RAB11FIP3: variants seen among roughly 807,000 people sequenced by gnomAD.
RAB11FIP3 encodes RAB11 family interacting protein 3.
Under a neutral mutation model 77.8 loss-of-function variants are expected in RAB11FIP3, and 17 were observed. That is an observed-to-expected ratio of 0.22 (90% CI 0.15 to 0.33). RAB11FIP3 has a LOEUF of 0.33. Ranked by LOEUF, RAB11FIP3 falls within the 10% of genes least tolerant of loss-of-function variation. The pLI is 1.00. For missense variants in RAB11FIP3, 1,005 were observed against 1,011.2 expected (o/e 0.99, Z 0.08); for synonymous variants, 437 against 448.2 (o/e 0.98, Z 0.31).
At chr16:496,790 A>G in intron 5 of RAB11FIP3, 34 bp from the exon 6 acceptor site, 1 of 1,561,102 alleles carries the variant, frequency 6.4e-7, no homozygotes. Flanking sequence ...TGTCTGTTCT[A>G]ACAATTTTCC....
At chr16:496,194 T>C (rs1420773025) in intron 5 of RAB11FIP3, among the ~76,000 whole-genome samples, 12 of 152,178 alleles carry the variant, frequency 7.9e-5, no homozygotes, top group Non-Finnish European at 1.5e-5. Context: ...TCCTGCAGGC[T>C]GAGGCTAATA....
Position 505,772 on chromosome 16 carries a change from A to T in RAB11FIP3, c.1499+145A>T, listed in dbSNP as rs1387959209. 17 of 715,922 alleles carry T rather than the reference A, an allele frequency of 2.4e-5. No individual in the cohort carries two copies. Among genetic ancestry groups the T allele is most frequent in the Non-Finnish European group, 2.9e-5 (13 of 441,070 alleles). The allele number at this position is 715,922 out of a possible 1,614,324, so 44.3% of individuals were successfully genotyped here. Reference sequence around the variant, plus strand: ...GGAAGCCGGCTGAGGGGGTGGTGCCAGGTGGTCATCTGAGCCTACCCAGTG... The same window carrying T: ...GGAAGCCGGCTGAGGGGGTGGTGCCTGGTGGTCATCTGAGCCTACCCAGTG... On this transcript the variant is annotated intron_variant, in intron 8 of 13. Coordinates refer to ENST00000262305, the MANE Select transcript of RAB11FIP3 (RefSeq NM_014700.4). The surrounding 1 kb of genome is among the most constrained non-coding windows in gnomAD (Gnocchi z 4.0).
chr16:445,229 T>G (rs866674300), intron 1 of RAB11FIP3, among the ~76,000 whole-genome samples: 1 of 150,406 alleles, frequency 6.6e-6, no homozygotes, highest in Non-Finnish European at 1.5e-5. Context: ...GGTCAGGAGT[T>G]GGAGACCAGC....
intron 5 of RAB11FIP3, among the ~76,000 whole-genome samples, chr16:493,964 T>C (rs1016543582): frequency 2.2e-5 from 3 of 138,672 alleles, no homozygotes; most frequent in Non-Finnish European, 3.1e-5. Context: ...AGTGCGGTGG[T>C]GCGATCTCGG....
chr16:498,122 G>A (rs930495122), intron 6 of RAB11FIP3, among the ~76,000 whole-genome samples: 9 of 151,926 alleles, frequency 5.9e-5, no homozygotes, highest in African/African-American at 1.9e-4. Flanking sequence ...CAAAATTCTC[G>A]GATTACAGAG....
chr16:447,724 C>T (rs1446170730), intron 1 of RAB11FIP3, among the ~76,000 whole-genome samples: 2 of 151,956 alleles, frequency 1.3e-5, no homozygotes, highest in South Asian at 2.1e-4. Flanking sequence ...GGCAACAGAG[C>T]GAGACTCCAT....
At chr16:491,381 G>A (rs1207449407) in intron 5 of RAB11FIP3, 4 of 1,156,726 alleles carry the variant, frequency 3.5e-6, no homozygotes, top group East Asian at 6.0e-5. Flanking sequence ...CTCAGGCAGC[G>A]GGACTCTCCC....
intron 1 of RAB11FIP3, among the ~76,000 whole-genome samples, chr16:436,007 GA>G (rs1053618734): frequency 2.6e-5 from 4 of 151,962 alleles, no homozygotes; most frequent in Non-Finnish European, 5.9e-5. Flanking sequence ...CTTGGAGAAG[GA>G]AAAAAAGAGA....
chr16:514,599 G>A lies in RAB11FIP3; in HGVS notation c.1640+3799G>A, dbSNP rs570622251. Among the ~76,000 whole-genome samples, 112 of 152,332 alleles carry A rather than the reference G, an allele frequency of 7.4e-4. No homozygotes were observed. Among genetic ancestry groups the A allele is most frequent in the African/African-American group, 2.6e-3 (109 of 41,574 alleles). On this transcript the variant is annotated intron_variant, in intron 9 of 13. Transcript: ENST00000262305. The surrounding 1 kb of genome is among the most constrained non-coding windows in gnomAD (Gnocchi z 4.6). ...TCCTTGTTTAGGGACCGGGAAAGGA[G>A]AATATGTGTCATCAGCAGAATGGGG...
In RAB11FIP3 at chr16:426,834, C is replaced by T. The variant is rs1244982031; in HGVS notation, c.714+114C>T. The T allele has an allele frequency of 1.3e-6, 1 of 770,014 alleles. No individual in the cohort carries two copies. The highest frequency in any genetic ancestry group is 1.9e-6 in the Non-Finnish European group (1 of 517,386). 47.7% of individuals were successfully genotyped at this position (770,014 alleles called of 1,614,324 possible). A position where few individuals can be genotyped will look rare whatever the true frequency, so the allele number is the denominator to read the frequency against. ...GGAGTCGGGAAAGGCACTGTCAAGA[C>T]CTGACGGTCCTGCTTTTTCTGCTTA... On this transcript the variant is annotated intron_variant, in intron 1 of 13. Transcript: ENST00000262305. The surrounding 1 kb of genome is among the most constrained non-coding windows in gnomAD (Gnocchi z 5.0).
At position 472,543 on chromosome 16, in the gene RAB11FIP3, G is replaced by T. The variant is rs570168618; in HGVS notation, c.903+1154G>T. On this transcript the variant is annotated intron_variant, in intron 3 of 13. Coordinates refer to ENST00000262305, the MANE Select transcript of RAB11FIP3 (RefSeq NM_014700.4). This position sits in a 1 kb window ranked among gnomAD's most constrained non-coding sequence, Gnocchi z 4.1. ...GACGGTGGCTCCTGTGCCCTGAGAA[G>T]GACCCGGCTTCTTCACGAGGAGATG... is the stretch of plus-strand genomic sequence containing the variant. Among the ~76,000 whole-genome samples the T allele has an allele frequency of 2.2e-3, 332 of 152,294 alleles. 2 individuals carry two copies. Among genetic ancestry groups the T allele is most frequent in the Non-Finnish European group, 2.8e-3 (188 of 68,012 alleles).
chr16:504,670 TTA>T (rs1567402607), intron 7 of RAB11FIP3, among the ~76,000 whole-genome samples: 1 of 2,530 alleles, frequency 4.0e-4, no homozygotes. Flanking sequence ...TGCACCCCCC[TTA>T]CCTCCTGTAC....
intron 5 of RAB11FIP3, among the ~76,000 whole-genome samples, chr16:493,370 C>A (rs1023500191): frequency 6.6e-6 from 1 of 151,994 alleles, no homozygotes; most frequent in African/African-American, 2.4e-5. Flanking sequence ...TGGAGGAGAT[C>A]TGAATCTTGC....
intron 3 of RAB11FIP3, among the ~76,000 whole-genome samples, chr16:479,280 T>TGAG (rs2055985046): frequency 6.6e-6 from 1 of 151,856 alleles, no homozygotes; most frequent in Non-Finnish European, 1.5e-5. Context: ...TAGTCCCAGC[T>TGAG]ACTCAGGAGG....
chr16:469,404 T>C (rs12935773), intron 2 of RAB11FIP3, among the ~76,000 whole-genome samples: 68,435 of 151,020 alleles, frequency 0.45, 17,151 homozygotes, highest in Middle Eastern at 0.6. Flanking sequence ...GTATTATTTA[T>C]GTATTTATGA....
In RAB11FIP3 at chr16:507,640, C is replaced by T. The variant is rs1268058584; in HGVS notation, c.1499+2013C>T. ...GTGTGTGGTGTGAAGTCCACACTGCCGCCTGGCACCACCCACTGACCGTCT... is the reference window on the plus strand; with the variant it reads ...GTGTGTGGTGTGAAGTCCACACTGCTGCCTGGCACCACCCACTGACCGTCT... On this transcript the variant is annotated intron_variant, in intron 8 of 13. Transcript: ENST00000262305. The surrounding 1 kb of genome is among the most constrained non-coding windows in gnomAD (Gnocchi z 4.6). Among the ~76,000 whole-genome samples, 7 of 152,344 alleles carry T rather than the reference C, an allele frequency of 4.6e-5. No individual in the cohort carries two copies. The highest frequency in any genetic ancestry group is 3.4e-3 in the Middle Eastern group (1 of 294).
At chr16:443,505 C>T (rs1440991923) in intron 1 of RAB11FIP3, among the ~76,000 whole-genome samples, 1 of 152,150 alleles carries the variant, frequency 6.6e-6, no homozygotes, top group Non-Finnish European at 1.5e-5. Context: ...TAGTTTAAGT[C>T]AACATATTGT....
Position 461,451 on chromosome 16 carries a change from C to G in RAB11FIP3, c.762C>G (p.Ile254Met). 6.2e-7 allele frequency: 1 copy of G among 1,614,036 alleles called. No homozygotes were observed. The highest frequency in any genetic ancestry group is 8.5e-7 in the Non-Finnish European group (1 of 1,180,012). ...TGGATCCCAGTGGGCTCGGCGTGAT[C>G]AGCTTTGAAGACTTCTACCAAGGGA... ...KYLDPSGLGVISFEDFYQGIT... is the reference protein window; with the variant it reads ...KYLDPSGLGVMSFEDFYQGIT... The change falls in exon 2 of 14, where the codon ATC (isoleucine) becomes ATG (methionine). Residue 254 changes from isoleucine (I) to methionine (M), a missense_variant. Transcript: ENST00000262305. The surrounding 1 kb of genome is among the most constrained non-coding windows in gnomAD (Gnocchi z 4.5).
chr16:514,287 A>G lies in RAB11FIP3; in HGVS notation c.1640+3487A>G, dbSNP rs917084978. 2.8e-4 allele frequency among the ~76,000 whole-genome samples: 42 copies of G among 151,608 alleles called. No homozygotes were observed. The highest frequency in any genetic ancestry group is 9.5e-4 in the African/African-American group (39 of 40,862). ...GTCAGCCCAGCACGAGGCCTCTGGCATCTTGGGGACTTCCCCAGCCTGGCC... is the reference window on the plus strand; with the variant it reads ...GTCAGCCCAGCACGAGGCCTCTGGCGTCTTGGGGACTTCCCCAGCCTGGCC... On this transcript the variant is annotated intron_variant, in intron 9 of 13. Coordinates refer to ENST00000262305, the MANE Select transcript of RAB11FIP3 (RefSeq NM_014700.4). This position sits in a 1 kb window ranked among gnomAD's most constrained non-coding sequence, Gnocchi z 4.6.
Sources: allele counts gnomAD v4.1 joint callset (sites outside exome capture counted in the v4.1 genomes callset), GRCh38; gene constraint gnomAD v4.1.1; non-coding constraint Gnocchi (gnomAD v3.1); transcripts MANE v1.5; gene names NCBI Gene and HGNC (gene_info 2026-07-23, HGNC 2026-07-21).